ANOS1: variants seen among roughly 807,000 people sequenced by gnomAD.
ANOS1 encodes anosmin-1.
In ANOS1, 6 loss-of-function variants were observed where a neutral mutation model predicts 59.0. That is an observed-to-expected ratio of 0.10 (90% CI 0.06 to 0.20). The LOEUF is 0.20. Ranked by LOEUF, ANOS1 falls within the 10% of genes least tolerant of loss-of-function variation. ANOS1 has a pLI of 1.00. For missense variants in ANOS1, 433 were observed against 542.3 expected, an observed-to-expected ratio of 0.80 and a Z score of 2.00; for synonymous variants, 217 against 223.4, an observed-to-expected ratio of 0.97 and a Z score of 0.25.
At chrX:8,703,803 AC>A (rs1320809418) in intron 1 of ANOS1, among the ~76,000 whole-genome samples, 2 of 111,884 alleles carry the variant, frequency 1.8e-5, no homozygotes, top group African/African-American at 6.5e-5. Context: ...TTTTCATTAC[AC>A]AAGATTTTAT....
At chrX:8,694,748 G>A (rs1170018505) in intron 2 of ANOS1, among the ~76,000 whole-genome samples, 2 of 111,811 alleles carry the variant, frequency 1.8e-5, no homozygotes, top group South Asian at 3.7e-4. Flanking sequence ...AATATATCAC[G>A]TTTTATCAGT....
chrX:8,596,708 T>A (rs1171340962), intron 4 of ANOS1, among the ~76,000 whole-genome samples: 1 of 111,871 alleles, frequency 8.9e-6, no homozygotes, highest in Non-Finnish European at 1.9e-5. Flanking sequence ...TTAAATCGAT[T>A]TATTCCAGTG....
At chrX:8,546,392 T>C (rs1929772292) in intron 9 of ANOS1, among the ~76,000 whole-genome samples, 1 of 112,632 alleles carries the variant, frequency 8.9e-6, no homozygotes, top group Non-Finnish European at 1.9e-5. Flanking sequence ...CTACAATTTA[T>C]ATGTTCATTT....
At chrX:8,593,956 C>T (rs1930664626) in intron 4 of ANOS1, among the ~76,000 whole-genome samples, 1 of 111,865 alleles carries the variant, frequency 8.9e-6, no homozygotes. Context: ...TGTGTCAGAC[C>T]TTAGTTAGCC....
intron 6 of ANOS1, among the ~76,000 whole-genome samples, chrX:8,571,089 G>A (rs1214693946): frequency 7.3e-5 from 7 of 96,412 alleles, no homozygotes; most frequent in Admixed American, 1.2e-4. Context: ...ACCAGCCTGC[G>A]CAAGAGAATG....
chrX:8,678,553 T>C (rs73199061), intron 2 of ANOS1, among the ~76,000 whole-genome samples: 6,475 of 112,011 alleles, frequency 0.058, 210 homozygotes, highest in African/African-American at 0.12. Context: ...ACATGGGCTT[T>C]AAAAACAAAA....
At chrX:8,691,219 G>A (rs745556033) in intron 2 of ANOS1, among the ~76,000 whole-genome samples, 15 of 109,454 alleles carry the variant, frequency 1.4e-4, no homozygotes, top group South Asian at 4.0e-4. Flanking sequence ...GATTACAGGC[G>A]TGCACCACCA....
intron 2 of ANOS1, among the ~76,000 whole-genome samples, chrX:8,625,671 T>C (rs1201736676): frequency 8.0e-5 from 9 of 111,938 alleles, no homozygotes; most frequent in Non-Finnish European, 1.9e-5. Context: ...GATCAATTAC[T>C]GATATTATGG....
intron 2 of ANOS1, among the ~76,000 whole-genome samples, chrX:8,647,104 C>A (rs949583295): frequency 9.1e-6 from 1 of 110,046 alleles, no homozygotes; most frequent in Non-Finnish European, 1.9e-5. Flanking sequence ...CAGGGTGTCT[C>A]AGCCTCCACG....
intron 2 of ANOS1, among the ~76,000 whole-genome samples, chrX:8,658,147 T>C (rs1421266323): frequency 8.9e-6 from 1 of 111,990 alleles, no homozygotes. Context: ...GGGTGCTCAA[T>C]GTATTGGCAA....
intron 2 of ANOS1, among the ~76,000 whole-genome samples, chrX:8,675,446 CAA>C (rs1474513258): frequency 9.0e-6 from 1 of 111,259 alleles, no homozygotes; most frequent in African/African-American, 3.3e-5. Context: ...TGGCAGTGTG[CAA>C]AGACAGTCCA....
chrX:8,574,256 G>A (rs1430746407), intron 6 of ANOS1, among the ~76,000 whole-genome samples: 1 of 108,229 alleles, frequency 9.2e-6, no homozygotes, highest in Admixed American at 9.9e-5. Flanking sequence ...TCCTGCTGCA[G>A]GTGGTGACCC....
At chrX:8,667,312 G>A (rs749937913) in intron 2 of ANOS1, among the ~76,000 whole-genome samples, 1 of 109,758 alleles carries the variant, frequency 9.1e-6, no homozygotes, top group Non-Finnish European at 1.9e-5. Flanking sequence ...GTTTTTTGCG[G>A]GGGGATGGGG....
At chrX:8,568,478 G>T in intron 7 of ANOS1, 102 bp from the exon 8 acceptor site, 1 of 783,636 alleles carries the variant, frequency 1.3e-6, no homozygotes, top group Non-Finnish European at 1.9e-6. Flanking sequence ...GCCAACTTCT[G>T]ATTTCTTTTA....
intron 2 of ANOS1, among the ~76,000 whole-genome samples, chrX:8,646,950 AAAG>A (rs1221366664): frequency 2.4e-3 from 260 of 108,400 alleles, no homozygotes; most frequent in Admixed American, 4.6e-3. Context: ...AAAAAAAAAA[AAAG>A]AAGATTTCAC....
chrX:8,535,191 C>T, intron 12 of ANOS1: 1 of 136,514 alleles, frequency 7.3e-6, no homozygotes, highest in Non-Finnish European at 1.4e-5. Flanking sequence ...TTTGAAGTTG[C>T]GGGGAAGACG....
chrX:8,540,584 C>T (rs756177665), intron 9 of ANOS1, among the ~76,000 whole-genome samples: 66 of 110,670 alleles, frequency 6.0e-4, no homozygotes, highest in African/African-American at 2.1e-3. Context: ...TTGACAGTCT[C>T]GGGTTTATTA....
intron 1 of ANOS1, among the ~76,000 whole-genome samples, chrX:8,720,863 C>T (rs781180111): frequency 1.8e-4 from 20 of 111,790 alleles, no homozygotes; most frequent in African/African-American, 6.5e-4. Context: ...GAGTGCAAAG[C>T]TACAGTGAGA....
At chrX:8,600,130 C>T (rs1157566042) in intron 3 of ANOS1, among the ~76,000 whole-genome samples, 4 of 111,846 alleles carry the variant, frequency 3.6e-5, no homozygotes, top group East Asian at 2.8e-4. Flanking sequence ...TTAAAATATG[C>T]GTAAGAGTTG....
Sources: allele counts gnomAD v4.1 joint callset (sites outside exome capture counted in the v4.1 genomes callset), GRCh38; gene constraint gnomAD v4.1.1; transcripts MANE v1.5; gene names NCBI Gene and HGNC (gene_info 2026-07-23, HGNC 2026-07-21).